Variants in CAMK2D observed in about 807,000 individuals in gnomAD.
The protein encoded by CAMK2D is calcium/calmodulin dependent protein kinase II delta, also known as calcium/calmodulin-dependent protein kinase type II subunit delta.
Under a neutral mutation model 84.0 loss-of-function variants are expected in CAMK2D, and 37 were observed. The ratio of observed to expected loss-of-function variants is 0.44; its 90% confidence interval spans 0.34 to 0.58. The LOEUF (loss-of-function observed/expected upper bound fraction) is 0.58, where lower values mean the gene tolerates loss of function less well. Among genes scored for constraint, CAMK2D ranks in the 20% least tolerant of loss-of-function variants. CAMK2D has a pLI of 0.02. For synonymous variants in CAMK2D, 202 were observed against 212.5 expected (o/e 0.95, Z 0.43); for missense variants, 448 against 652.5 (o/e 0.69, Z 3.41).
intron 9 of CAMK2D, among the ~76,000 whole-genome samples, chr4:113,515,724 T>C (rs2098275618): frequency 6.6e-6 from 1 of 152,248 alleles, no homozygotes; most frequent in Admixed American, 6.5e-5. Flanking sequence ...TAATCAGGGC[T>C]ACTTGGAGTG....
intron 4 of CAMK2D, among the ~76,000 whole-genome samples, chr4:113,564,414 A>G (rs1253816996): frequency 6.6e-6 from 1 of 152,136 alleles, no homozygotes; most frequent in Non-Finnish European, 1.5e-5. Context: ...GAGCTTATAC[A>G]TTCTTCAAGA....
Position 113,710,135 on chromosome 4 carries a change from T to G in CAMK2D, c.161-48363A>C, listed in dbSNP as rs550979974. On this transcript the variant is annotated intron_variant, in intron 2 of 20. Transcript: ENST00000511664. ...AAAACTAGGGTATTTTGACAAGACT[T>G]ACATATTTGTGAATAAATTCCTGTC... Among the ~76,000 whole-genome samples the G allele has an allele frequency of 5.3e-4, 81 of 152,154 alleles. 1 individual carries two copies. Among genetic ancestry groups the G allele is most frequent in the South Asian group, 1.5e-3 (7 of 4,816 alleles).
intron 2 of CAMK2D, among the ~76,000 whole-genome samples, chr4:113,666,315 G>T (rs866489224): frequency 2.0e-5 from 3 of 152,072 alleles, no homozygotes; most frequent in African/African-American, 7.2e-5. Flanking sequence ...GGGGGTTGGG[G>T]GAAGATCTAA....
intron 2 of CAMK2D, among the ~76,000 whole-genome samples, chr4:113,706,482 A>G (rs901243014): frequency 1.5e-4 from 23 of 152,176 alleles, no homozygotes; most frequent in African/African-American, 5.3e-4. Context: ...AAAAGTTAAA[A>G]CTGAAAGGGG....
chr4:113,565,296 G>A (rs1014701064), intron 4 of CAMK2D, among the ~76,000 whole-genome samples: 2 of 152,106 alleles, frequency 1.3e-5, no homozygotes, highest in Admixed American at 6.5e-5. Context: ...TTATTCAAAG[G>A]GCTGTACAAT....
At chr4:113,696,815 A>T (rs2099404247) in intron 2 of CAMK2D, among the ~76,000 whole-genome samples, 1 of 152,100 alleles carries the variant, frequency 6.6e-6, no homozygotes, top group African/African-American at 2.4e-5. Flanking sequence ...ATTTTAAGAA[A>T]CCTTCACAAA....
chr4:113,761,302 C>T lies in CAMK2D; in HGVS notation c.-234G>A. 2 of 1,419,662 alleles carry T rather than the reference C, an allele frequency of 1.4e-6. No individual in the cohort carries two copies. Among genetic ancestry groups the T allele is most frequent in the South Asian group, 1.5e-5 (1 of 66,684 alleles). 87.9% of individuals were successfully genotyped at this position (1,419,662 alleles called of 1,614,324 possible). On this transcript the variant is annotated 5_prime_UTR_variant, in exon 1 of 21. Transcript: ENST00000511664. Reference sequence around the variant, plus strand: ...CAGTCCGCCGATCCTCCTCCTCCTGCGGGCCTCGCTTCCTTCTTCTCCACT... The same window carrying T: ...CAGTCCGCCGATCCTCCTCCTCCTGTGGGCCTCGCTTCCTTCTTCTCCACT...
At chr4:113,653,991 T>C (rs1367071898) in intron 3 of CAMK2D, among the ~76,000 whole-genome samples, 1 of 151,988 alleles carries the variant, frequency 6.6e-6, no homozygotes, top group African/African-American at 2.4e-5. Flanking sequence ...GAGCGAAAAA[T>C]TTCTTGTGAA....
chr4:113,480,169 C>T (rs906979570), intron 16 of CAMK2D, among the ~76,000 whole-genome samples: 2 of 151,982 alleles, frequency 1.3e-5, no homozygotes, highest in African/African-American at 4.8e-5. Context: ...CACTGTGTTG[C>T]CCAGGCTTGT....
intron 16 of CAMK2D, among the ~76,000 whole-genome samples, chr4:113,475,868 A>G (rs2097605654): frequency 6.6e-6 from 1 of 152,180 alleles, no homozygotes; most frequent in South Asian, 2.1e-4. Flanking sequence ...AGCTCCCTGA[A>G]TCAATAAAAG....
At chr4:113,756,390 T>C (rs925334014) in intron 2 of CAMK2D, among the ~76,000 whole-genome samples, 27 of 151,992 alleles carry the variant, frequency 1.8e-4, no homozygotes, top group African/African-American at 5.8e-4. Flanking sequence ...GGCTTGGGTA[T>C]ACAGAGTCAT....
At chr4:113,718,660 G>A (rs147729799) in intron 2 of CAMK2D, among the ~76,000 whole-genome samples, 3 of 152,178 alleles carry the variant, frequency 2.0e-5, no homozygotes, top group Non-Finnish European at 4.4e-5. Flanking sequence ...TTGGGAAAGG[G>A]CTGTTTTCAT....
intron 2 of CAMK2D, among the ~76,000 whole-genome samples, chr4:113,679,715 G>A (rs557129212): frequency 5.3e-5 from 8 of 152,234 alleles, no homozygotes; most frequent in African/African-American, 1.7e-4. Context: ...ATTACAATAG[G>A]AAATCTAATT....
intron 3 of CAMK2D, among the ~76,000 whole-genome samples, chr4:113,646,013 T>C (rs2099150491): frequency 6.6e-6 from 1 of 152,194 alleles, no homozygotes; most frequent in South Asian, 2.1e-4. Flanking sequence ...TGCTGACTCA[T>C]GTGGTTTGTT....
At chr4:113,575,204 C>T (rs1451341805) in intron 4 of CAMK2D, among the ~76,000 whole-genome samples, 1 of 152,050 alleles carries the variant, frequency 6.6e-6, no homozygotes, top group Non-Finnish European at 1.5e-5. Context: ...TTGAAGATTA[C>T]CATCCACTCC....
intron 2 of CAMK2D, among the ~76,000 whole-genome samples, chr4:113,721,074 C>T (rs2099529220): frequency 6.6e-6 from 1 of 152,106 alleles, no homozygotes; most frequent in Non-Finnish European, 1.5e-5. Flanking sequence ...CATACGCTTA[C>T]TCACTTTAAC....
At position 113,520,176 on chromosome 4, in the gene CAMK2D, C is replaced by T. The variant is rs571330991; in HGVS notation, c.602-2519G>A. On this transcript the variant is annotated intron_variant, in intron 8 of 20. Transcript: ENST00000511664. ...ATCCAAGCACTTTGGGAGGCCAAAA[C>T]GGGCAAATCACCTGAGGTCAGGTGA... Among the ~76,000 whole-genome samples, 15 of 151,838 alleles carry T rather than the reference C, an allele frequency of 9.9e-5. No homozygotes were observed. The East Asian group carries it at 2.5e-3, about 26-fold the overall frequency.
At chr4:113,495,915 C>G (rs891647974) in intron 16 of CAMK2D, among the ~76,000 whole-genome samples, 2 of 152,036 alleles carry the variant, frequency 1.3e-5, no homozygotes, top group African/African-American at 4.8e-5. Flanking sequence ...CATACAGGAG[C>G]CCAACTTCAA....
In CAMK2D at chr4:113,716,433, T is replaced by A. The variant is rs1255122155; in HGVS notation, c.160+42887A>T. Reference sequence around the variant, plus strand: ...GGGAGGCCAAGGCGAGTGGGTCACTTCAGGTCAGGAGTTTGAGACCAGCCT... The same window carrying A: ...GGGAGGCCAAGGCGAGTGGGTCACTACAGGTCAGGAGTTTGAGACCAGCCT... On this transcript the variant is annotated intron_variant, in intron 2 of 20. Coordinates refer to ENST00000511664, the MANE Select transcript of CAMK2D (RefSeq NM_001321571.2). 2.0e-5 allele frequency among the ~76,000 whole-genome samples: 3 copies of A among 152,064 alleles called. No homozygotes were observed. In the East Asian group the frequency reaches 5.8e-4, roughly 29 times the overall value.
Sources: allele counts gnomAD v4.1 joint callset (sites outside exome capture counted in the v4.1 genomes callset), GRCh38; gene constraint gnomAD v4.1.1; transcripts MANE v1.5; gene names NCBI Gene and HGNC (gene_info 2026-07-23, HGNC 2026-07-21).